SRGAP2: variants seen among roughly 807,000 people sequenced by gnomAD.
SRGAP2 encodes SLIT-ROBO Rho GTPase-activating protein 2.
In SRGAP2, 15 loss-of-function variants were observed where a neutral mutation model predicts 57.2. The observed-to-expected ratio is 0.26, with a 90% CI of 0.18 to 0.40. The LOEUF is 0.40. Ranked by LOEUF, SRGAP2 falls within the 10% of genes least tolerant of loss-of-function variation. The probability of loss-of-function intolerance (pLI) is 1.00; values close to 1 mark genes in which losing one functional copy is unlikely to be tolerated. For missense variants in SRGAP2, 520 were observed against 669.6 expected (o/e 0.78, Z 2.47); for synonymous variants, 249 against 248.0 (o/e 1.00, Z -0.04).
chr1:206,238,633 G>T (rs1480564173), intron 2 of SRGAP2, among the ~76,000 whole-genome samples: 2 of 124,186 alleles, frequency 1.6e-5, no homozygotes, highest in East Asian at 4.7e-4. Flanking sequence ...TCTAGAGACT[G>T]CCTAGAGGGA....
At chr1:206,451,814 C>A (rs1232561059) in intron 19 of SRGAP2, among the ~76,000 whole-genome samples, 1 of 152,114 alleles carries the variant, frequency 6.6e-6, no homozygotes, top group Non-Finnish European at 1.5e-5. Flanking sequence ...AGTAACGTAC[C>A]CGAGGCTGTA....
At chr1:206,262,859 A>C (rs2102629616) in intron 2 of SRGAP2, among the ~76,000 whole-genome samples, 1 of 110,334 alleles carries the variant, frequency 9.1e-6, no homozygotes, top group East Asian at 4.4e-4. Context: ...ATTTCAGTGA[A>C]CAGGGTTTTA....
intron 18 of SRGAP2, among the ~76,000 whole-genome samples, chr1:206,448,059 C>T (rs1662924477): frequency 6.6e-6 from 1 of 152,178 alleles, no homozygotes; most frequent in African/African-American, 2.4e-5. Context: ...TGAGAGGGAC[C>T]TTCTAACCGC....
At chr1:206,402,432 G>A (rs1658278543) in intron 8 of SRGAP2, among the ~76,000 whole-genome samples, 1 of 152,218 alleles carries the variant, frequency 6.6e-6, no homozygotes, top group South Asian at 2.1e-4. Flanking sequence ...TTCCACTTGT[G>A]TGGTTGTGTG....
At chr1:206,218,827 CTTAAAT>C (rs1203396367) in intron 2 of SRGAP2, among the ~76,000 whole-genome samples, 1 of 72,194 alleles carries the variant, frequency 1.4e-5, no homozygotes, top group Non-Finnish European at 2.7e-5. Flanking sequence ...GTGTGCAGTA[CTTAAAT>C]TTAAAAGAAA....
At chr1:206,342,013 T>C (rs1261972271) in intron 3 of SRGAP2, among the ~76,000 whole-genome samples, 3 of 151,898 alleles carry the variant, frequency 2.0e-5, no homozygotes, top group African/African-American at 7.3e-5. Flanking sequence ...AAAAAGGGAA[T>C]GAGCGCCTTG....
intron 10 of SRGAP2, among the ~76,000 whole-genome samples, chr1:206,415,161 T>G (rs1285591836): frequency 6.6e-6 from 1 of 152,220 alleles, no homozygotes; most frequent in Non-Finnish European, 1.5e-5. Flanking sequence ...TCTGGGGACA[T>G]ACGGTCTCTC....
chr1:206,444,367 A>C (rs1175491724), intron 17 of SRGAP2, among the ~76,000 whole-genome samples: 1 of 152,202 alleles, frequency 6.6e-6, no homozygotes, highest in Non-Finnish European at 1.5e-5. Context: ...CTATGAATTG[A>C]ACAGTTCTTA....
chr1:206,428,487 T>C (rs1661008261), intron 13 of SRGAP2, among the ~76,000 whole-genome samples: 1 of 150,428 alleles, frequency 6.6e-6, no homozygotes, highest in Non-Finnish European at 1.5e-5. Flanking sequence ...TTTTGAGTAA[T>C]ACTTGGTATG....
Position 206,203,547 on chromosome 1 carries a change from T to C in SRGAP2, c.-646T>C, listed in dbSNP as rs1217782314. On this transcript the variant is annotated 5_prime_UTR_variant, in exon 1 of 23. Transcript: ENST00000573034. The stretch of plus-strand genomic sequence containing the variant: ...AGTTGGCGGAGGCTCCTCCAGGGAC[T>C]GGGGCACCGATCTGCGTAGAAACGG... 1.6e-5 allele frequency: 9 copies of C among 572,528 alleles called. No homozygotes were observed. In the Admixed American group the frequency reaches 2.0e-4, roughly 13 times the overall value. 35.5% of individuals were successfully genotyped at this position (572,528 alleles called of 1,614,324 possible). A position where few individuals can be genotyped will look rare whatever the true frequency, so the allele number is the denominator to read the frequency against.
chr1:206,358,060 C>T (rs1324151664), intron 4 of SRGAP2, among the ~76,000 whole-genome samples: 1 of 151,110 alleles, frequency 6.6e-6, no homozygotes, highest in Non-Finnish European at 1.5e-5. Flanking sequence ...GAGGGTTTTT[C>T]CCCCTGCTGC....
intron 2 of SRGAP2, among the ~76,000 whole-genome samples, chr1:206,286,470 C>T (rs1284677587): frequency 2.0e-5 from 3 of 150,014 alleles, no homozygotes; most frequent in Middle Eastern, 3.4e-3. Context: ...GCTCTTGATT[C>T]ATTCATTCAA....
intron 2 of SRGAP2, among the ~76,000 whole-genome samples, chr1:206,232,329 C>T (rs1438650398): frequency 6.6e-6 from 1 of 151,266 alleles, no homozygotes; most frequent in African/African-American, 2.4e-5. Context: ...AGAATCTTCT[C>T]AAGATCACCA....
chr1:206,413,830 A>G (rs1029974272), intron 10 of SRGAP2, among the ~76,000 whole-genome samples: 1 of 152,176 alleles, frequency 6.6e-6, no homozygotes, highest in Non-Finnish European at 1.5e-5. Flanking sequence ...AAGTGCTGTC[A>G]TGGAGATTTG....
At chr1:206,313,754 A>G (rs1672846072) in intron 3 of SRGAP2, among the ~76,000 whole-genome samples, 1 of 152,016 alleles carries the variant, frequency 6.6e-6, no homozygotes, top group Non-Finnish European at 1.5e-5. Flanking sequence ...GAGACCAAGG[A>G]AACCAGTTGC....
chr1:206,413,187 G>C (rs1190109877), intron 10 of SRGAP2, among the ~76,000 whole-genome samples: 2 of 152,154 alleles, frequency 1.3e-5, no homozygotes, highest in Non-Finnish European at 2.9e-5. Flanking sequence ...TGAGCAGTCT[G>C]GTCTTGTTTT....
At chr1:206,234,351 A>C (rs113263987) in intron 2 of SRGAP2, among the ~76,000 whole-genome samples, 34 of 152,234 alleles carry the variant, frequency 2.2e-4, no homozygotes, top group African/African-American at 7.7e-4. Context: ...CCAGAAAAAA[A>C]TTCTATTTGA....
chr1:206,339,469 A>G (rs1675018140), intron 3 of SRGAP2, among the ~76,000 whole-genome samples: 1 of 150,548 alleles, frequency 6.6e-6, no homozygotes, highest in African/African-American at 2.4e-5. Flanking sequence ...AGAAGTTCCA[A>G]GGCATACAGT....
intron 2 of SRGAP2, among the ~76,000 whole-genome samples, chr1:206,263,264 G>A (rs574274673): frequency 3.5e-5 from 5 of 144,856 alleles, no homozygotes; most frequent in African/African-American, 1.0e-4. Flanking sequence ...AAAACAGCAA[G>A]ATTCTGGAGT....
Sources: allele counts gnomAD v4.1 joint callset (sites outside exome capture counted in the v4.1 genomes callset), GRCh38; gene constraint gnomAD v4.1.1; transcripts MANE v1.5; gene names NCBI Gene and HGNC (gene_info 2026-07-23, HGNC 2026-07-21).